Variants in PIK3C2G observed in about 807,000 individuals in gnomAD.
PIK3C2G encodes phosphatidylinositol 3-kinase C2 domain-containing subunit gamma.
Under a neutral mutation model 181.1 loss-of-function variants are expected in PIK3C2G, and 168 were observed. That is an observed-to-expected ratio of 0.93 (90% CI 0.82 to 1.05). The LOEUF is 1.05. PIK3C2G is among the 50% of genes least tolerant of loss of function. The pLI is 0.00. For missense variants in PIK3C2G, 1,869 were observed against 1,732.8 expected, an observed-to-expected ratio of 1.08 and a Z score of -1.40; for synonymous variants, 573 against 592.2, an observed-to-expected ratio of 0.97 and a Z score of 0.47.
chr12:18,590,103 T>C (rs1592659980), intron 29 of PIK3C2G, among the ~76,000 whole-genome samples: 1 of 149,398 alleles, frequency 6.7e-6, no homozygotes, highest in Admixed American at 6.7e-5. Context: ...TAGTATACAG[T>C]AGTTAAATTC....
intron 31 of PIK3C2G, among the ~76,000 whole-genome samples, chr12:18,638,155 A>T (rs1253664873): frequency 6.6e-6 from 1 of 152,172 alleles, no homozygotes; most frequent in Non-Finnish European, 1.5e-5. Flanking sequence ...TTTAGAAGCC[A>T]GCTGGGATTT....
chr12:18,383,890 A>G (rs1170842591), intron 14 of PIK3C2G, among the ~76,000 whole-genome samples: 1 of 151,724 alleles, frequency 6.6e-6, no homozygotes. Context: ...TGCAGCCTCC[A>G]CCTTCTGGGG....
At chr12:18,655,414 A>G in the PIK3C2G span, among the ~76,000 whole-genome samples, 9 of 152,226 alleles carry the variant, frequency 5.9e-5, no homozygotes, top group South Asian at 1.4e-3. Flanking sequence ...AAATGAATAA[A>G]TAAATAAGTA....
chr12:18,414,142 A>G (rs952990160), intron 16 of PIK3C2G, among the ~76,000 whole-genome samples: 2 of 152,128 alleles, frequency 1.3e-5, no homozygotes, highest in African/African-American at 4.8e-5. Flanking sequence ...AAAAAGTAGA[A>G]TGCTTGCTCT....
chr12:18,550,688 G>T (rs1944684001), intron 26 of PIK3C2G, among the ~76,000 whole-genome samples: 2 of 151,794 alleles, frequency 1.3e-5, no homozygotes, highest in Admixed American at 1.3e-4. Context: ...GTTCTGATAG[G>T]CTAAAAGTAT....
the PIK3C2G span, among the ~76,000 whole-genome samples, chr12:18,665,466 T>C: frequency 1.3e-5 from 2 of 152,344 alleles, no homozygotes; most frequent in Admixed American, 1.3e-4. Context: ...ATTTCTCTAT[T>C]TTGTCTGTAT....
At chr12:18,308,686 G>C (rs1008529693) in intron 5 of PIK3C2G, among the ~76,000 whole-genome samples, 9 of 151,516 alleles carry the variant, frequency 5.9e-5, no homozygotes, top group African/African-American at 2.2e-4. Context: ...ACAAATTGTT[G>C]AGTACCCCAA....
intron 1 of PIK3C2G, among the ~76,000 whole-genome samples, chr12:18,249,129 ATCTGTTATACTT>A (rs1948071357): frequency 6.6e-6 from 1 of 152,130 alleles, no homozygotes; most frequent in Admixed American, 6.5e-5. Flanking sequence ...GTGCTAGAAT[ATCTGTTATACTT>A]CATTCCCTGC....
At chr12:18,675,499 C>G in the PIK3C2G span, among the ~76,000 whole-genome samples, 1 of 152,160 alleles carries the variant, frequency 6.6e-6, no homozygotes, top group African/African-American at 2.4e-5. Flanking sequence ...AACCATTCAA[C>G]TCTGCAATTC....
the PIK3C2G span, among the ~76,000 whole-genome samples, chr12:18,658,417 A>G: frequency 6.6e-6 from 1 of 152,154 alleles, no homozygotes; most frequent in Non-Finnish European, 1.5e-5. Context: ...AGCAAAAGAT[A>G]AAGAATCGTA....
the PIK3C2G span, among the ~76,000 whole-genome samples, chr12:18,669,110 C>A: frequency 6.6e-6 from 1 of 152,128 alleles, no homozygotes; most frequent in African/African-American, 2.4e-5. Flanking sequence ...TCTTTATAAA[C>A]AACAGTTCAT....
intron 18 of PIK3C2G, among the ~76,000 whole-genome samples, chr12:18,487,093 ATT>A (rs1011833460): frequency 1.3e-4 from 10 of 77,176 alleles, no homozygotes; most frequent in African/African-American, 5.4e-4. Flanking sequence ...CCCTTGAGGT[ATT>A]TTGTGTGTGT....
intron 18 of PIK3C2G, among the ~76,000 whole-genome samples, chr12:18,429,115 G>C (rs927906772): frequency 2.0e-5 from 3 of 152,140 alleles, no homozygotes; most frequent in African/African-American, 7.2e-5. Flanking sequence ...TGGATTATCA[G>C]GGTGAGCCCT....
chr12:18,603,541 A>G (rs1160299143), intron 30 of PIK3C2G, among the ~76,000 whole-genome samples: 1 of 151,706 alleles, frequency 6.6e-6, no homozygotes, highest in Non-Finnish European at 1.5e-5. Flanking sequence ...AATTCCTGGC[A>G]AAAAGTTCTT....
intron 31 of PIK3C2G, among the ~76,000 whole-genome samples, chr12:18,618,600 G>A (rs868402765): frequency 4.5e-4 from 69 of 151,980 alleles, no homozygotes; most frequent in African/African-American, 1.6e-3. Context: ...AGGAAAATAC[G>A]AACAATCCTC....
chr12:18,372,038 C>T (rs1454708588), intron 13 of PIK3C2G, among the ~76,000 whole-genome samples: 1 of 151,910 alleles, frequency 6.6e-6, no homozygotes, highest in Non-Finnish European at 1.5e-5. Context: ...ATATTTTTCC[C>T]TCTGCTGTTT....
the PIK3C2G span, among the ~76,000 whole-genome samples, chr12:18,677,543 C>G: frequency 6.6e-6 from 1 of 151,974 alleles, no homozygotes; most frequent in African/African-American, 2.4e-5. Context: ...TTAAAATGTC[C>G]CCTATGCTGT....
At chr12:18,659,128 G>A in the PIK3C2G span, among the ~76,000 whole-genome samples, 3 of 152,050 alleles carry the variant, frequency 2.0e-5, no homozygotes, top group Admixed American at 6.6e-5. Flanking sequence ...AAGATAGGAG[G>A]AAGGTAAAAA....
At chr12:18,265,602 CT>C (rs1241453246) in intron 1 of PIK3C2G, among the ~76,000 whole-genome samples, 2 of 151,938 alleles carry the variant, frequency 1.3e-5, no homozygotes, top group Non-Finnish European at 2.9e-5. Flanking sequence ...AATATTGCCT[CT>C]CTTGCTTCAT....
Sources: allele counts gnomAD v4.1 joint callset (sites outside exome capture counted in the v4.1 genomes callset), GRCh38; gene constraint gnomAD v4.1.1; transcripts MANE v1.5; gene names NCBI Gene and HGNC (gene_info 2026-07-23, HGNC 2026-07-21).